RAB30: variants seen among roughly 807,000 people sequenced by gnomAD.
RAB30 encodes the protein RAB30, member RAS oncogene family.
A neutral mutation model predicts 25.1 loss-of-function variants in RAB30; 9 were observed. The observed-to-expected ratio is 0.36, with a 90% CI of 0.22 to 0.63. The LOEUF (loss-of-function observed/expected upper bound fraction) is 0.63, where lower values mean the gene tolerates loss of function less well. Among genes scored for constraint, RAB30 ranks in the 20% least tolerant of loss-of-function variants. The probability of loss-of-function intolerance (pLI) is 0.69; values close to 1 mark genes in which losing one functional copy is unlikely to be tolerated. For missense variants in RAB30, 140 were observed against 243.5 expected, an observed-to-expected ratio of 0.58 and a Z score of 2.83; for synonymous variants, 77 against 86.4, an observed-to-expected ratio of 0.89 and a Z score of 0.60.
At chr11:83,024,597 C>G (rs1487298245) in intron 1 of RAB30, among the ~76,000 whole-genome samples, 1 of 151,932 alleles carries the variant, frequency 6.6e-6, no homozygotes, top group Non-Finnish European at 1.5e-5. Context: ...CAGTACAATT[C>G]AAAGAAGGAA....
At chr11:82,988,232 G>A (rs1320277759) in intron 3 of RAB30, among the ~76,000 whole-genome samples, 1 of 152,084 alleles carries the variant, frequency 6.6e-6, no homozygotes, top group Non-Finnish European at 1.5e-5. Flanking sequence ...GCATCTCATA[G>A]CCAATATGTC....
chr11:83,037,401 C>G (rs1013317731), intron 1 of RAB30, among the ~76,000 whole-genome samples: 11 of 151,902 alleles, frequency 7.2e-5, no homozygotes, highest in South Asian at 2.1e-4. Context: ...AGGCGCCCAC[C>G]ACCATGCCTG....
At chr11:83,003,542 C>T (rs184226231) in intron 1 of RAB30, among the ~76,000 whole-genome samples, 22 of 152,276 alleles carry the variant, frequency 1.4e-4, no homozygotes, top group Non-Finnish European at 2.6e-4. Context: ...CCTGCCTCAG[C>T]CTCCCCAGTA....
chr11:82,999,475 T>C (rs61902284), intron 1 of RAB30, among the ~76,000 whole-genome samples: 2 of 152,206 alleles, frequency 1.3e-5, no homozygotes, highest in Non-Finnish European at 2.9e-5. Context: ...CTGTGATGCA[T>C]GAAAGAATGA....
At chr11:82,991,927 A>C (rs1856858911) in intron 3 of RAB30, among the ~76,000 whole-genome samples, 1 of 152,214 alleles carries the variant, frequency 6.6e-6, no homozygotes, top group African/African-American at 2.4e-5. Flanking sequence ...AGAAAGTAGA[A>C]TAAATGGAAT....
At chr11:83,010,108 T>C (rs1254028826) in intron 1 of RAB30, among the ~76,000 whole-genome samples, 27 of 152,096 alleles carry the variant, frequency 1.8e-4, no homozygotes, top group Admixed American at 1.4e-3. Flanking sequence ...AACCTCTATA[T>C]ACCAATAGAG....
chr11:83,001,046 CA>C (rs1181057652), intron 1 of RAB30, among the ~76,000 whole-genome samples: 83 of 53,628 alleles, frequency 1.5e-3, no homozygotes, highest in East Asian at 0.011. Flanking sequence ...GACTCCGTCT[CA>C]AAAAAAAAAA....
intron 1 of RAB30, 87 bp downstream of exon 1, chr11:83,071,604 C>G (rs1423394312): frequency 2.0e-5 from 3 of 152,638 alleles, no homozygotes; most frequent in Non-Finnish European, 4.4e-5. Context: ...ACCTCCCCAC[C>G]GCTCACAGCT....
chr11:83,060,909 C>T (rs946461382), intron 1 of RAB30, among the ~76,000 whole-genome samples: 1 of 152,114 alleles, frequency 6.6e-6, no homozygotes, highest in African/African-American at 2.4e-5. Context: ...AGAGAAAAGG[C>T]GAATATGTCA....
intron 1 of RAB30, among the ~76,000 whole-genome samples, chr11:83,071,025 C>A (rs1858829629): frequency 1.3e-5 from 2 of 152,210 alleles, no homozygotes; most frequent in South Asian, 4.1e-4. Flanking sequence ...AGTCGGAGAA[C>A]GGAAAACATT....
intron 1 of RAB30, among the ~76,000 whole-genome samples, chr11:83,009,271 C>T (rs902699941): frequency 1.3e-5 from 2 of 152,062 alleles, no homozygotes; most frequent in Non-Finnish European, 2.9e-5. Flanking sequence ...TCACCATGTT[C>T]GCCAGGCTGT....
intron 1 of RAB30, among the ~76,000 whole-genome samples, chr11:83,035,987 A>T (rs898162925): frequency 6.6e-6 from 1 of 152,166 alleles, no homozygotes; most frequent in Non-Finnish European, 1.5e-5. Flanking sequence ...TGGTGGACTG[A>T]ATACTTAATA....
intron 1 of RAB30, among the ~76,000 whole-genome samples, chr11:83,029,369 CCCT>C (rs1180775929): frequency 2.0e-5 from 3 of 151,806 alleles, no homozygotes; most frequent in Admixed American, 6.6e-5. Context: ...CCCTTTCCCC[CCCT>C]ATTTTTTTCT....
In RAB30 at chr11:82,975,809, A is replaced by G. The variant is rs1856536983; in HGVS notation, c.*6356T>C. ...TATCCTGACATTCACTAAGTAAATA[A>G]TGACTATCATTTTAATAATCATTAT... On this transcript the variant is annotated 3_prime_UTR_variant, in exon 5 of 5. Transcript: ENST00000527633. The G allele has an allele frequency of 6.6e-6, 1 of 152,198 alleles. No homozygotes were observed. The highest frequency in any genetic ancestry group is 2.4e-5 in the African/African-American group (1 of 41,460). The allele number at this position is 152,198 out of a possible 1,614,324, so 9.4% of individuals were successfully genotyped here.
At chr11:83,050,734 C>T (rs1432859216) in intron 1 of RAB30, among the ~76,000 whole-genome samples, 1 of 151,704 alleles carries the variant, frequency 6.6e-6, no homozygotes. Context: ...GGCATCTTAG[C>T]ATTTTGTGAT....
intron 1 of RAB30, among the ~76,000 whole-genome samples, chr11:83,048,807 C>A (rs1237504285): frequency 6.6e-6 from 1 of 152,222 alleles, no homozygotes; most frequent in African/African-American, 2.4e-5. Flanking sequence ...TGGCTGCTCG[C>A]TGATGCCAGC....
At chr11:83,059,834 G>A (rs917090053) in intron 1 of RAB30, among the ~76,000 whole-genome samples, 1 of 152,216 alleles carries the variant, frequency 6.6e-6, no homozygotes, top group South Asian at 2.1e-4. Context: ...GGGGAAAAAA[G>A]GCAAGAAGAT....
At chr11:82,986,134 T>C (rs1856735204) in intron 4 of RAB30, among the ~76,000 whole-genome samples, 1 of 152,250 alleles carries the variant, frequency 6.6e-6, no homozygotes, top group African/African-American at 2.4e-5. Context: ...GGTTAGGTTT[T>C]CTTTTTAAAA....
intron 3 of RAB30, among the ~76,000 whole-genome samples, chr11:82,993,610 C>G (rs1474462405): frequency 1.3e-5 from 2 of 152,152 alleles, no homozygotes; most frequent in Non-Finnish European, 2.9e-5. Flanking sequence ...TAGTGTCTTT[C>G]CTTTTTAGAG....
Sources: gnomAD v4.1 joint callset for allele counts (sites outside exome capture counted in the v4.1 genomes callset) on GRCh38, gnomAD v4.1.1 for gene constraint, MANE v1.5 for transcripts, NCBI Gene and HGNC (gene_info 2026-07-23, HGNC 2026-07-21) for gene names.